Variants in SLC30A9 observed in about 807,000 individuals in gnomAD.
SLC30A9 encodes the protein proton-coupled zinc antiporter SLC30A9, mitochondrial.
SLC30A9 carries 58 observed loss-of-function variants against 87.5 expected under a neutral mutation model. The observed-to-expected ratio is 0.66, with a 90% CI of 0.54 to 0.82. The LOEUF is 0.82. Among genes scored for constraint, SLC30A9 ranks in the 40% least tolerant of loss-of-function variants. The probability of loss-of-function intolerance (pLI) is 0.00; values close to 1 mark genes in which losing one functional copy is unlikely to be tolerated. For missense variants in SLC30A9, 557 were observed against 679.1 expected, an observed-to-expected ratio of 0.82 and a Z score of 2.00; for synonymous variants, 234 against 233.0, an observed-to-expected ratio of 1.00 and a Z score of -0.04.
chr4:42,044,242 CCT>C (rs1324123439), intron 8 of SLC30A9, among the ~76,000 whole-genome samples: 1 of 151,924 alleles, frequency 6.6e-6, no homozygotes, highest in Admixed American at 6.6e-5. Context: ...GCTAAATGCC[CCT>C]GTTAAAAGAC....
intron 1 of SLC30A9, among the ~76,000 whole-genome samples, chr4:42,000,720 C>A (rs1577677387): frequency 6.6e-6 from 1 of 152,056 alleles, no homozygotes; most frequent in African/African-American, 2.4e-5. Flanking sequence ...TCTGCACACA[C>A]AATCCATGAA....
chr4:42,065,914 G>A (rs1718061445), intron 12 of SLC30A9, among the ~76,000 whole-genome samples: 1 of 152,064 alleles, frequency 6.6e-6, no homozygotes, highest in African/African-American at 2.4e-5. Flanking sequence ...ATTTGAAATG[G>A]AGTATAAAAA....
At chr4:42,030,122 G>T (rs1377107917) in intron 6 of SLC30A9, 4 of 902,540 alleles carry the variant, frequency 4.4e-6, no homozygotes, top group South Asian at 4.0e-5. Flanking sequence ...GTTAAGAGCT[G>T]ATCACAAGCA....
intron 9 of SLC30A9, among the ~76,000 whole-genome samples, chr4:42,058,527 C>T (rs1185282405): frequency 6.6e-6 from 1 of 152,240 alleles, no homozygotes; most frequent in Non-Finnish European, 1.5e-5. Context: ...GCACCCCACT[C>T]TACTGGTACC....
chr4:42,023,395 T>G lies in SLC30A9; in HGVS notation c.610+11T>G. ...TAGAATACAGAGAAAGTAAGTATAT[T>G]CAATTTAAAGTCAAGTTAATTGAAA... On this transcript the variant is annotated intron_variant, in intron 6 of 17. Coordinates refer to ENST00000264451, the MANE Select transcript of SLC30A9 (RefSeq NM_006345.4). 6.6e-7 allele frequency: 1 copy of G among 1,525,702 alleles called. No homozygotes were observed. 94.5% of individuals were successfully genotyped at this position (1,525,702 alleles called of 1,614,324 possible). A position where few individuals can be genotyped will look rare whatever the true frequency, so the allele number is the denominator to read the frequency against.
intron 15 of SLC30A9, among the ~76,000 whole-genome samples, chr4:42,071,040 A>G (rs1208433923): frequency 2.6e-5 from 4 of 152,176 alleles, no homozygotes; most frequent in African/African-American, 9.6e-5. Context: ...AATTGAATAT[A>G]TTAAATTTAA....
In SLC30A9 at chr4:42,038,378, A is replaced by G. The variant is rs933458694; in HGVS notation, c.670-608A>G. On this transcript the variant is annotated intron_variant, in intron 7 of 17. Transcript: ENST00000264451. ...GTTCCCAAACCTTTCTTCTAAAGAA[A>G]TCTTATTTTTCACCGTAAGCAGCAT... 1.7e-4 allele frequency among the ~76,000 whole-genome samples: 26 copies of G among 152,086 alleles called. 1 individual carries two copies. The highest frequency in any genetic ancestry group is 5.3e-4 in the African/African-American group (22 of 41,410).
intron 9 of SLC30A9, among the ~76,000 whole-genome samples, chr4:42,051,158 C>T (rs187870373): frequency 2.0e-5 from 3 of 152,088 alleles, no homozygotes; most frequent in Non-Finnish European, 2.9e-5. Flanking sequence ...CATTGATTAT[C>T]GAGGCCAATG....
intron 11 of SLC30A9, among the ~76,000 whole-genome samples, 155 bp downstream of exon 11, chr4:42,063,276 C>A (rs3804191): frequency 6.6e-6 from 1 of 152,128 alleles, no homozygotes; most frequent in South Asian, 2.1e-4. Flanking sequence ...ATTTTTAGAA[C>A]GTGACTGGAC....
In SLC30A9 at chr4:42,018,464, C is replaced by A. The variant is rs184488872; in HGVS notation, c.334+294C>A. ...TTAGAAGAGTAAGGCAATTAAAGAA[C>A]AAGAGGCCCACACTTTTCAGCTACT... On this transcript the variant is annotated intron_variant, in intron 3 of 17. Coordinates refer to ENST00000264451, the MANE Select transcript of SLC30A9 (RefSeq NM_006345.4). 8.4e-3 allele frequency: 10,333 copies of A among 1,223,950 alleles called. 72 individuals carry two copies. The highest frequency in any genetic ancestry group is 0.016 in the Middle Eastern group (69 of 4,396). The allele number at this position is 1,223,950 out of a possible 1,614,324, so 75.8% of individuals were successfully genotyped here.
intron 17 of SLC30A9, among the ~76,000 whole-genome samples, chr4:42,080,923 T>C (rs1162143304): frequency 6.6e-6 from 1 of 152,256 alleles, no homozygotes; most frequent in Non-Finnish European, 1.5e-5. Flanking sequence ...CTTTCAGATG[T>C]TGATACATTT....
intron 6 of SLC30A9, among the ~76,000 whole-genome samples, chr4:42,033,637 A>G (rs551161472): frequency 6.6e-6 from 1 of 152,020 alleles, no homozygotes; most frequent in Non-Finnish European, 1.5e-5. Flanking sequence ...GTGCAGTGGC[A>G]CGATCTTGGC....
In SLC30A9 at chr4:42,022,022, G is replaced by A. The variant is rs62302112; in HGVS notation, c.435-816G>A. 9.8e-5 allele frequency among the ~76,000 whole-genome samples: 4 copies of A among 40,904 alleles called. 1 individual carries two copies. Among genetic ancestry groups the A allele is most frequent in the Non-Finnish European group, 3.2e-4 (4 of 12,458 alleles). 26.8% of individuals were successfully genotyped at this position (40,904 alleles called of 152,430 possible). On this transcript the variant is annotated intron_variant, in intron 4 of 17. Coordinates refer to ENST00000264451, the MANE Select transcript of SLC30A9 (RefSeq NM_006345.4). ...ACAATCTCGGCTCACTGCAAGCTCC[G>A]CTTCCCGGGTTCACGCCATTCTCCT...
At chr4:42,048,228 T>TA (rs1717248333) in intron 8 of SLC30A9, among the ~76,000 whole-genome samples, 1 of 152,020 alleles carries the variant, frequency 6.6e-6, no homozygotes, top group Middle Eastern at 3.4e-3. Context: ...AATTATAAAT[T>TA]TAAAAAATAA....
At chr4:42,018,322 T>A in intron 3 of SLC30A9, 152 bp downstream of exon 3, 1 of 826,214 alleles carries the variant, frequency 1.2e-6, no homozygotes, top group East Asian at 3.2e-5. Context: ...AAGGATTTAT[T>A]CTCTTACATA....
chr4:41,990,634 G>A lies in SLC30A9; in HGVS notation c.-18G>A. ...AGGCAGAAGGCGGTGTCCGAGTAGG[G>A]GCCTCTGCCCCACCAGGATGTTACC... On this transcript the variant is annotated 5_prime_UTR_variant, in exon 1 of 18. Coordinates refer to ENST00000264451, the MANE Select transcript of SLC30A9 (RefSeq NM_006345.4). The A allele has an allele frequency of 6.5e-7, 1 of 1,529,002 alleles. No individual in the cohort carries two copies. The highest frequency in any genetic ancestry group is 9.0e-7 in the Non-Finnish European group (1 of 1,109,056). 94.7% of individuals were successfully genotyped at this position (1,529,002 alleles called of 1,614,324 possible). A position where few individuals can be genotyped will look rare whatever the true frequency, so the allele number is the denominator to read the frequency against.
rs375205578 is a variant in SLC30A9, at chr4:42,088,861, T to G, written c.*2735T>G. The stretch of plus-strand genomic sequence containing the variant: ...GGGAGGCCGAGGTGGGAGGATCACT[T>G]GAGCCCCAGAGGTCGAGGCTGCAAT... On this transcript the variant is annotated 3_prime_UTR_variant, in exon 18 of 18. Transcript: ENST00000264451. The G allele has an allele frequency of 6.6e-6, 1 of 152,268 alleles. No homozygotes were observed. The highest frequency in any genetic ancestry group is 2.4e-5 in the African/African-American group (1 of 41,448). The allele number at this position is 152,268 out of a possible 1,614,324, so 9.4% of individuals were successfully genotyped here.
At chr4:41,992,778 G>A (rs564983016) in intron 1 of SLC30A9, among the ~76,000 whole-genome samples, 162 of 152,118 alleles carry the variant, frequency 1.1e-3, no homozygotes, top group Non-Finnish European at 1.9e-3. Context: ...TCTTAAAAGG[G>A]CAACCATTAT....
rs1719025011 is a variant in SLC30A9, at chr4:42,089,305, T to G, written c.*3179T>G. 6.6e-6 allele frequency: 1 copy of G among 152,250 alleles called. No homozygotes were observed. Among genetic ancestry groups the G allele is most frequent in the African/African-American group, 2.4e-5 (1 of 41,468 alleles). 9.4% of individuals were successfully genotyped at this position (152,250 alleles called of 1,614,324 possible). A position where few individuals can be genotyped will look rare whatever the true frequency, so the allele number is the denominator to read the frequency against. ...ATAATAAGTAAAAAGCATCTGTACCTACTTTTAGCTTTGGCTGAGAATGGA... is the reference window on the plus strand; with the variant it reads ...ATAATAAGTAAAAAGCATCTGTACCGACTTTTAGCTTTGGCTGAGAATGGA... On this transcript the variant is annotated 3_prime_UTR_variant, in exon 18 of 18. Coordinates refer to ENST00000264451, the MANE Select transcript of SLC30A9 (RefSeq NM_006345.4).
Sources: gnomAD v4.1 joint callset for allele counts (sites outside exome capture counted in the v4.1 genomes callset) on GRCh38, gnomAD v4.1.1 for gene constraint, MANE v1.5 for transcripts, NCBI Gene and HGNC (gene_info 2026-07-23, HGNC 2026-07-21) for gene names.